MYO3B: variants seen among roughly 807,000 people sequenced by gnomAD.
MYO3B encodes myosin-IIIb.
MYO3B carries 156 observed loss-of-function variants against 174.6 expected under a neutral mutation model. The ratio of observed to expected loss-of-function variants is 0.89; its 90% CI spans 0.78 to 1.02. The LOEUF (loss-of-function observed/expected upper bound fraction) is 1.02. Ranked by LOEUF, MYO3B falls within the 50% of genes least tolerant of loss-of-function variation. MYO3B has a pLI of 0.00. For synonymous variants in MYO3B, 563 were observed against 569.1 expected (o/e 0.99, Z 0.15); for missense variants, 1,632 against 1,639.4 (o/e 1.00, Z 0.08).
At chr2:170,621,883 A>G (rs1205902616) in intron 32 of MYO3B, among the ~76,000 whole-genome samples, 3 of 152,036 alleles carry the variant, frequency 2.0e-5, no homozygotes, top group Non-Finnish European at 4.4e-5. Context: ...ACATTCTGCC[A>G]TGTATTACCA....
In MYO3B at chr2:170,409,540, A is replaced by G. The variant is rs1240462107; in HGVS notation, c.2650+1696A>G. On this transcript the variant is annotated intron_variant, in intron 22 of 34. Transcript: ENST00000408978. The stretch of plus-strand genomic sequence containing the variant: ...ATCCTAAGCTTGAGTATAGCTTAGG[A>G]TTCTCCACATTTTGAGTATAGTTAA... 3.9e-5 allele frequency among the ~76,000 whole-genome samples: 6 copies of G among 152,336 alleles called. No individual in the cohort carries two copies. The South Asian group carries it at 1.0e-3, about 26-fold the overall frequency.
At chr2:170,523,615 A>T (rs533820095) in intron 30 of MYO3B, among the ~76,000 whole-genome samples, 1 of 152,336 alleles carries the variant, frequency 6.6e-6, no homozygotes, top group African/African-American at 2.4e-5. Context: ...GGGCTCGGTC[A>T]GCCATTCAGG....
chr2:170,409,679 G>T (rs1338446568), intron 22 of MYO3B, among the ~76,000 whole-genome samples: 1 of 152,222 alleles, frequency 6.6e-6, no homozygotes, highest in Non-Finnish European at 1.5e-5. Context: ...TAGTAATAAG[G>T]TACTTTTTAG....
intron 7 of MYO3B, among the ~76,000 whole-genome samples, chr2:170,333,303 T>C (rs946428248): frequency 6.6e-6 from 1 of 152,148 alleles, no homozygotes; most frequent in Non-Finnish European, 1.5e-5. Context: ...GCTGAACTTA[T>C]GTGATGGTGG....
rs1012188622 is a variant in MYO3B, at chr2:170,459,689, G to C, written c.2731-3679G>C. Reference sequence around the variant, plus strand: ...CGCCATGGAGCAGGGGGTGGTGCCCGTCGAGGAGGCTCAAGGCTCGGGCCG... The same window carrying C: ...CGCCATGGAGCAGGGGGTGGTGCCCCTCGAGGAGGCTCAAGGCTCGGGCCG... On this transcript the variant is annotated intron_variant, in intron 23 of 34. Transcript: ENST00000408978. 5.3e-5 allele frequency among the ~76,000 whole-genome samples: 8 copies of C among 152,236 alleles called. No homozygotes were observed. In the East Asian group the frequency reaches 1.6e-3, roughly 30 times the overall value.
At chr2:170,295,472 A>G (rs2093623528) in intron 7 of MYO3B, among the ~76,000 whole-genome samples, 1 of 151,992 alleles carries the variant, frequency 6.6e-6, no homozygotes, top group African/African-American at 2.4e-5. Flanking sequence ...AACGAGGTAA[A>G]AAGAATCTCT....
intron 25 of MYO3B, among the ~76,000 whole-genome samples, chr2:170,477,963 G>A (rs1685415975): frequency 6.6e-6 from 1 of 152,130 alleles, no homozygotes; most frequent in Admixed American, 6.5e-5. Flanking sequence ...TTTAGTGTGT[G>A]GGTTGGCTTA....
intron 8 of MYO3B, among the ~76,000 whole-genome samples, chr2:170,357,104 A>G (rs1052148753): frequency 5.9e-5 from 9 of 152,176 alleles, no homozygotes; most frequent in South Asian, 4.2e-4. Flanking sequence ...TTTTTATATC[A>G]TGGATTTTAA....
intron 32 of MYO3B, among the ~76,000 whole-genome samples, chr2:170,630,536 AAG>A (rs1208158909): frequency 6.6e-6 from 1 of 152,196 alleles, no homozygotes; most frequent in Non-Finnish European, 1.5e-5. Context: ...GACAGCTCTG[AAG>A]AGAGCAGTGG....
chr2:170,397,948 G>C (rs527752211), intron 16 of MYO3B, among the ~76,000 whole-genome samples: 165 of 152,112 alleles, frequency 1.1e-3, no homozygotes, highest in Middle Eastern at 3.4e-3. Flanking sequence ...TCTGCTGGGC[G>C]TGGTGGCTCA....
At position 170,583,745 on chromosome 2, in the gene MYO3B, A is replaced by G. The variant is rs143630254; in HGVS notation, c.3733+39757A>G. Among the ~76,000 whole-genome samples, 17 of 152,126 alleles carry G rather than the reference A, an allele frequency of 1.1e-4. No homozygotes were observed. The East Asian group carries it at 3.3e-3, about 29-fold the overall frequency. ...CTAAAATATCTAGTATCTAAAAGGTACTCTTCCTTGATGAGCAAACAGTTT... is the reference window on the plus strand; with the variant it reads ...CTAAAATATCTAGTATCTAAAAGGTGCTCTTCCTTGATGAGCAAACAGTTT... On this transcript the variant is annotated intron_variant, in intron 32 of 34. Transcript: ENST00000408978.
intron 32 of MYO3B, among the ~76,000 whole-genome samples, chr2:170,631,129 C>T (rs554606103): frequency 9.9e-5 from 15 of 152,092 alleles, no homozygotes; most frequent in Non-Finnish European, 1.6e-4. Flanking sequence ...TCGAACCCAT[C>T]GCAAAGAAGT....
At chr2:170,324,611 T>G (rs761329317) in intron 7 of MYO3B, among the ~76,000 whole-genome samples, 22 of 152,238 alleles carry the variant, frequency 1.4e-4, no homozygotes, top group Non-Finnish European at 2.8e-4. Flanking sequence ...GTAACATTCC[T>G]GGCCTCTCTC....
At chr2:170,418,172 A>G (rs959911595) in intron 22 of MYO3B, among the ~76,000 whole-genome samples, 10 of 152,194 alleles carry the variant, frequency 6.6e-5, no homozygotes, top group African/African-American at 2.4e-4. Flanking sequence ...GATTGCTCTC[A>G]TTTGGGCCAA....
intron 32 of MYO3B, among the ~76,000 whole-genome samples, chr2:170,615,756 T>C (rs1210470546): frequency 6.6e-6 from 1 of 152,140 alleles, no homozygotes. Flanking sequence ...ACACACAAGA[T>C]AGTGAAAGCT....
intron 14 of MYO3B, among the ~76,000 whole-genome samples, chr2:170,388,441 C>T (rs557913282): frequency 6.6e-6 from 1 of 152,174 alleles, no homozygotes; most frequent in East Asian, 1.9e-4. Context: ...AGGAGTTAGG[C>T]AACGAGGTGG....
intron 32 of MYO3B, among the ~76,000 whole-genome samples, chr2:170,635,912 A>C (rs1405241565): frequency 6.6e-6 from 1 of 152,188 alleles, no homozygotes; most frequent in African/African-American, 2.4e-5. Flanking sequence ...TCCTTGTACA[A>C]ATTACCTTAG....
At chr2:170,602,069 C>T in intron 32 of MYO3B, 2 of 990,126 alleles carry the variant, frequency 2.0e-6, no homozygotes, top group South Asian at 2.5e-5. Context: ...TTATCTTTAG[C>T]AGACATGGCC....
intron 32 of MYO3B, among the ~76,000 whole-genome samples, chr2:170,592,658 C>T (rs1693887654): frequency 6.6e-6 from 1 of 152,168 alleles, no homozygotes; most frequent in Non-Finnish European, 1.5e-5. Flanking sequence ...CCTTCACTGA[C>T]CATAAGGTTC....
Sources: gnomAD v4.1 joint callset for allele counts (sites outside exome capture counted in the v4.1 genomes callset) on GRCh38, gnomAD v4.1.1 for gene constraint, MANE v1.5 for transcripts, NCBI Gene and HGNC (gene_info 2026-07-23, HGNC 2026-07-21) for gene names.